Variants in RNF2 observed in about 807,000 individuals in gnomAD.
RNF2 encodes ring finger protein 2.
In RNF2, 6 loss-of-function variants were observed where a neutral mutation model predicts 37.2. The observed-to-expected ratio is 0.16, with a 90% confidence interval of 0.09 to 0.32. The LOEUF (loss-of-function observed/expected upper bound fraction) is 0.32, where lower values mean the gene tolerates loss of function less well. Among genes scored for constraint, RNF2 ranks in the 10% least tolerant of loss-of-function variants. The pLI is 1.00. For missense variants in RNF2, 251 were observed against 404.0 expected (o/e 0.62, Z 3.25); for synonymous variants, 133 against 132.7 (o/e 1.00, Z -0.02).
chr1:185,095,361 C>CA (rs911396096), intron 4 of RNF2, among the ~76,000 whole-genome samples: 33 of 152,196 alleles, frequency 2.2e-4, no homozygotes, highest in African/African-American at 7.5e-4. Flanking sequence ...GCTTCTGCCT[C>CA]AGAGCCTTTG....
At chr1:185,095,538 A>C (rs780045958) in intron 4 of RNF2, among the ~76,000 whole-genome samples, 3 of 152,058 alleles carry the variant, frequency 2.0e-5, no homozygotes, top group African/African-American at 4.8e-5. Context: ...TCACTCTCTC[A>C]TGTGTTACCT....
At chr1:185,047,411 A>G (rs752554954) in intron 1 of RNF2, among the ~76,000 whole-genome samples, 17 of 152,230 alleles carry the variant, frequency 1.1e-4, no homozygotes, top group Non-Finnish European at 1.6e-4. Context: ...GTTTGAATGG[A>G]TAGAAATATA....
chr1:185,101,468 T>G lies in RNF2; in HGVS notation c.*1167T>G, dbSNP rs1428080560. The G allele has an allele frequency of 6.6e-6, 1 of 152,520 alleles. No individual in the cohort carries two copies. 9.4% of individuals were successfully genotyped at this position (152,520 alleles called of 1,614,324 possible). On this transcript the variant is annotated 3_prime_UTR_variant, in exon 7 of 7. Transcript: ENST00000367510. ...ATTCTACTGTTCTTAATTTTTATAT[T>G]GAGGAACAATATTGGGTGTTTGGGA... is the stretch of plus-strand genomic sequence containing the variant.
At chr1:185,073,085 G>A (rs547629266) in intron 1 of RNF2, among the ~76,000 whole-genome samples, 1 of 142,404 alleles carries the variant, frequency 7.0e-6, no homozygotes, top group East Asian at 2.0e-4. Context: ...TACTTAATGT[G>A]TGTTGTATAC....
intron 1 of RNF2, among the ~76,000 whole-genome samples, chr1:185,059,566 T>G (rs969755535): frequency 6.6e-6 from 1 of 152,232 alleles, no homozygotes; most frequent in East Asian, 1.9e-4. Context: ...ATTTAACGAC[T>G]GGAAAAGTGT....
At chr1:185,081,397 T>A (rs1227422140) in intron 1 of RNF2, among the ~76,000 whole-genome samples, 2 of 40,144 alleles carry the variant, frequency 5.0e-5, no homozygotes, top group Admixed American at 6.1e-4. Flanking sequence ...TTCCATCAAT[T>A]TTTTTTTTTT....
intron 1 of RNF2, among the ~76,000 whole-genome samples, chr1:185,050,113 AGTAATTTAAATAG>A (rs1462556667): frequency 3.9e-5 from 6 of 152,232 alleles, no homozygotes; most frequent in Non-Finnish European, 7.3e-5. Context: ...GTTAAGATGT[AGTAATTTAAATAG>A]GGAATTCTGT....
intron 1 of RNF2, among the ~76,000 whole-genome samples, chr1:185,061,147 A>G (rs1470354780): frequency 7.3e-5 from 8 of 109,168 alleles, no homozygotes; most frequent in Non-Finnish European, 1.5e-4. Flanking sequence ...TTTTTTTTTG[A>G]GACGGAATCT....
At position 185,100,208 on chromosome 1, in the gene RNF2, T is replaced by C. The variant is rs772488618; in HGVS notation, c.918T>C (p.Asn306=). Reference sequence around the variant, plus strand: ...TTTCTTTTTTGTTTTAGGTATTAAATGGCTCTTTTTCTTTGGAATTGGTCA... The same window carrying C: ...TTTCTTTTTTGTTTTAGGTATTAAACGGCTCTTTTTCTTTGGAATTGGTCA... ...ATASGQFTVL[N]GSFSLELVSE... is the part of the protein sequence containing the mutation. The change falls in exon 7 of 7, where the codon AAT becomes AAC. Residue 306 remains asparagine (N), a synonymous_variant. Coordinates refer to ENST00000367510, the MANE Select transcript of RNF2 (RefSeq NM_007212.4). The C allele has an allele frequency of 6.3e-7, 1 of 1,599,820 alleles. No homozygotes were observed. Among genetic ancestry groups the C allele is most frequent in the South Asian group, 1.1e-5 (1 of 87,060 alleles).
chr1:185,056,818 A>C (rs1362549285), intron 1 of RNF2, among the ~76,000 whole-genome samples: 1 of 152,196 alleles, frequency 6.6e-6, no homozygotes, highest in Non-Finnish European at 1.5e-5. Flanking sequence ...AATAGTATTC[A>C]GTTGTTGCTT....
intron 4 of RNF2, among the ~76,000 whole-genome samples, chr1:185,094,882 C>A (rs1015439524): frequency 1.3e-5 from 2 of 152,202 alleles, no homozygotes; most frequent in Admixed American, 1.3e-4. Flanking sequence ...AAGTCCATCT[C>A]AGTCTAGTGG....
chr1:185,076,267 T>G (rs1387225854), intron 1 of RNF2, among the ~76,000 whole-genome samples: 4 of 114,470 alleles, frequency 3.5e-5, no homozygotes, highest in Non-Finnish European at 5.2e-5. Flanking sequence ...TTTTATGGGT[T>G]GTTTTTTTTT....
intron 1 of RNF2, among the ~76,000 whole-genome samples, chr1:185,055,202 AT>A (rs1473085663): frequency 1.3e-5 from 2 of 151,952 alleles, no homozygotes; most frequent in Non-Finnish European, 2.9e-5. Flanking sequence ...TTTCAGATTT[AT>A]TTTTCCGGAT....
At chr1:185,068,078 G>A (rs575526543) in intron 1 of RNF2, among the ~76,000 whole-genome samples, 21 of 148,690 alleles carry the variant, frequency 1.4e-4, no homozygotes, top group African/African-American at 4.2e-4. Flanking sequence ...ATCTCGGCTC[G>A]CTGCAACCTC....
chr1:185,049,385 TCA>T (rs1405647919), intron 1 of RNF2, among the ~76,000 whole-genome samples: 2 of 152,252 alleles, frequency 1.3e-5, no homozygotes, highest in Non-Finnish European at 2.9e-5. Flanking sequence ...AAATTATTTC[TCA>T]TTTTCTCTCA....
At chr1:185,055,564 G>A (rs1484270281) in intron 1 of RNF2, among the ~76,000 whole-genome samples, 2 of 152,050 alleles carry the variant, frequency 1.3e-5, no homozygotes, top group African/African-American at 2.4e-5. Flanking sequence ...ACAGGCGAGC[G>A]CCACCACGCC....
chr1:185,071,050 C>T (rs557019591), intron 1 of RNF2, among the ~76,000 whole-genome samples: 5 of 152,092 alleles, frequency 3.3e-5, no homozygotes, highest in African/African-American at 9.6e-5. Flanking sequence ...CCAAGTAATA[C>T]AAAGTGAGTA....
intron 2 of RNF2, 52 bp downstream of exon 2, chr1:185,087,692 A>C: frequency 7.7e-7 from 1 of 1,304,902 alleles, no homozygotes; most frequent in Non-Finnish European, 1.1e-6. Flanking sequence ...AAACTGGGAT[A>C]CATTTTTAGA....
At chr1:185,090,265 T>C (rs1240544537) in intron 2 of RNF2, among the ~76,000 whole-genome samples, 1 of 152,138 alleles carries the variant, frequency 6.6e-6, no homozygotes, top group Non-Finnish European at 1.5e-5. Context: ...TTTCCCTTTT[T>C]CTTTTCCCCT....
Sources: allele counts gnomAD v4.1 joint callset (sites outside exome capture counted in the v4.1 genomes callset), GRCh38; gene constraint gnomAD v4.1.1; transcripts MANE v1.5; gene names NCBI Gene and HGNC (gene_info 2026-07-23, HGNC 2026-07-21).